NEK1: variants seen among roughly 807,000 people sequenced by gnomAD.
NEK1 encodes serine/threonine-protein kinase Nek1.
In NEK1, 137 loss-of-function variants were observed where a neutral mutation model predicts 182.1. The observed-to-expected ratio is 0.75, with a 90% CI of 0.65 to 0.87. The LOEUF (loss-of-function observed/expected upper bound fraction) is 0.87. Ranked by LOEUF, NEK1 falls within the 40% of genes least tolerant of loss-of-function variation. NEK1 has a pLI of 0.00. For synonymous variants in NEK1, 513 were observed against 492.2 expected, an observed-to-expected ratio of 1.04 and a Z score of -0.56; for missense variants, 1,391 against 1,494.4, an observed-to-expected ratio of 0.93 and a Z score of 1.14.
intron 16 of NEK1, among the ~76,000 whole-genome samples, chr4:169,556,371 G>A (rs1762165542): frequency 1.3e-5 from 2 of 152,170 alleles, no homozygotes; most frequent in South Asian, 2.1e-4. Flanking sequence ...GGAAAAATTT[G>A]ATCTTAATTA....
chr4:169,415,720 C>G (rs1734433451), intron 31 of NEK1, among the ~76,000 whole-genome samples: 1 of 152,180 alleles, frequency 6.6e-6, no homozygotes, highest in Non-Finnish European at 1.5e-5. Context: ...GCAATCAAAG[C>G]ATTACTCTGA....
chr4:169,474,972 G>T (rs1746678209), intron 26 of NEK1, among the ~76,000 whole-genome samples: 1 of 152,140 alleles, frequency 6.6e-6, no homozygotes. Context: ...CAAAATATGA[G>T]ACAGCAGTTT....
At chr4:169,561,128 C>A (rs1424381470) in intron 16 of NEK1, among the ~76,000 whole-genome samples, 1 of 152,150 alleles carries the variant, frequency 6.6e-6, no homozygotes, top group East Asian at 1.9e-4. Flanking sequence ...GATTAAGAAG[C>A]ATCTTCTGAG....
At chr4:169,571,719 G>A (rs1309113101) in intron 12 of NEK1, among the ~76,000 whole-genome samples, 1 of 151,928 alleles carries the variant, frequency 6.6e-6, no homozygotes, top group Non-Finnish European at 1.5e-5. Context: ...GTAGACAGTT[G>A]TAAAGACTCT....
At chr4:169,556,868 TA>T (rs1182853073) in intron 16 of NEK1, among the ~76,000 whole-genome samples, 2 of 151,716 alleles carry the variant, frequency 1.3e-5, no homozygotes, top group Non-Finnish European at 2.9e-5. Context: ...AAAGTAAAAA[TA>T]ATCAATGTAT....
At chr4:169,563,194 T>C (rs1276204417) in intron 12 of NEK1, among the ~76,000 whole-genome samples, 1 of 151,860 alleles carries the variant, frequency 6.6e-6, no homozygotes, top group Non-Finnish European at 1.5e-5. Context: ...TCCCCATCTC[T>C]ACAAAAAATT....
chr4:169,491,162 A>AAAAAAAAAGAG (rs1554047307), intron 23 of NEK1, among the ~76,000 whole-genome samples: 2 of 122,922 alleles, frequency 1.6e-5, no homozygotes, highest in African/African-American at 3.2e-5. Context: ...AAAAAAAAAA[A>AAAAAAAAAGAG]AGAGAGATGG....
At chr4:169,502,752 T>C (rs889895090) in intron 23 of NEK1, among the ~76,000 whole-genome samples, 6 of 152,094 alleles carry the variant, frequency 3.9e-5, no homozygotes, top group Non-Finnish European at 8.8e-5. Context: ...GAACCACCTA[T>C]GACAAACCCA....
chr4:169,478,785 C>G (rs902807021), intron 24 of NEK1, among the ~76,000 whole-genome samples: 1 of 152,152 alleles, frequency 6.6e-6, no homozygotes, highest in African/African-American at 2.4e-5. Context: ...CAGCTCCACA[C>G]TATGAGCCCA....
chr4:169,465,614 A>C (rs551964551), intron 26 of NEK1, among the ~76,000 whole-genome samples: 1 of 152,266 alleles, frequency 6.6e-6, no homozygotes, highest in East Asian at 1.9e-4. Flanking sequence ...AGAGGTAACA[A>C]TACTTCGAGT....
intron 19 of NEK1, among the ~76,000 whole-genome samples, chr4:169,526,821 G>A (rs1337842381): frequency 1.3e-5 from 2 of 152,148 alleles, no homozygotes; most frequent in Non-Finnish European, 2.9e-5. Context: ...AAACCTGTGG[G>A]AGAAAAACAA....
In NEK1 at chr4:169,438,151, T is replaced by C; in HGVS notation, c.2696A>G (p.Glu899Gly). The change falls in exon 28 of 36, where the codon GAG (glutamate) becomes GGG (glycine). Residue 899 changes from glutamate (E) to glycine (G), a missense_variant. Glu to Gly is a moderately conservative substitution (Grantham distance 98, BLOSUM62 -2). Coordinates refer to ENST00000507142, the MANE Select transcript of NEK1 (RefSeq NM_001199397.3). Reference sequence around the variant, plus strand: ...CTCACTGAACTCGGGACTTTTTGTCTCAACAGGAGAATCAACAATAGCTGA... The same window carrying C: ...CTCACTGAACTCGGGACTTTTTGTCCCAACAGGAGAATCAACAATAGCTGA... ...NPSAIVDSPV[E>G]TKSPEFSEAS... 6.2e-7 allele frequency: 1 copy of C among 1,610,976 alleles called. No individual in the cohort carries two copies. The highest frequency in any genetic ancestry group is 8.5e-7 in the Non-Finnish European group (1 of 1,178,448).
In NEK1 at chr4:169,573,794, A is replaced by G. The variant is rs569058832; in HGVS notation, c.1020+3134T>C. 2.6e-5 allele frequency among the ~76,000 whole-genome samples: 4 copies of G among 152,340 alleles called. No individual in the cohort carries two copies. In the East Asian group the frequency reaches 5.8e-4, roughly 22 times the overall value. On this transcript the variant is annotated intron_variant, in intron 12 of 35. Coordinates refer to ENST00000507142, the MANE Select transcript of NEK1 (RefSeq NM_001199397.3). Reference sequence around the variant, plus strand: ...AAAGAGTTGTTATTATTGATAATAAAAATTTTAATGGCATGGCCATAGGTG... The same window carrying G: ...AAAGAGTTGTTATTATTGATAATAAGAATTTTAATGGCATGGCCATAGGTG...
intron 23 of NEK1, among the ~76,000 whole-genome samples, chr4:169,499,696 C>CGGAGGCTGCAGAACAGT (rs1488451241): frequency 6.6e-6 from 1 of 152,162 alleles, no homozygotes; most frequent in East Asian, 1.9e-4. Context: ...GTATCAGCAG[C>CGGAGGCTGCAGAACAGT]GGAGGCTGCA....
At chr4:169,506,318 C>T (rs968876653) in intron 23 of NEK1, among the ~76,000 whole-genome samples, 1 of 151,976 alleles carries the variant, frequency 6.6e-6, no homozygotes, top group African/African-American at 2.4e-5. Flanking sequence ...TACATACTTG[C>T]TATAGATTCA....
At chr4:169,537,212 T>C (rs1463629389) in intron 19 of NEK1, among the ~76,000 whole-genome samples, 1 of 152,168 alleles carries the variant, frequency 6.6e-6, no homozygotes, top group Non-Finnish European at 1.5e-5. Flanking sequence ...GAGTTTTAAC[T>C]ACCTCAAATC....
In NEK1 at chr4:169,588,664, G is replaced by A; in HGVS notation, c.536C>T (p.Pro179Leu). 1.3e-6 allele frequency: 2 copies of A among 1,543,532 alleles called. No homozygotes were observed. Among genetic ancestry groups the A allele is most frequent in the Non-Finnish European group, 1.8e-6 (2 of 1,139,936 alleles). ...YLSPEICENK[P>L]YNNKSDIWAL... ...TTTTAAATACCTTTTATTATTGTAAGGTTTGTTTTCACAGATTTCAGGTGA... is the reference window on the plus strand; with the variant it reads ...TTTTAAATACCTTTTATTATTGTAAAGTTTGTTTTCACAGATTTCAGGTGA... The change falls in exon 8 of 36, where the codon CCT (proline) becomes CTT (leucine). Residue 179 changes from proline to leucine, a missense_variant. Pro to Leu is a moderately conservative substitution (Grantham distance 98). Around this residue, in one of 5 missense-constraint regions of NEK1, gnomAD observed 14 missense variants for 34.5 expected, o/e 0.41. Transcript: ENST00000507142.
chr4:169,423,769 G>A (rs4283620), intron 31 of NEK1, among the ~76,000 whole-genome samples: 26,251 of 151,940 alleles, frequency 0.17, 2,871 homozygotes, highest in South Asian at 0.31. Context: ...AAATTACAGC[G>A]GAAAGGCATG....
intron 26 of NEK1, among the ~76,000 whole-genome samples, chr4:169,470,239 T>C (rs1455207734): frequency 6.6e-6 from 1 of 152,210 alleles, no homozygotes; most frequent in African/African-American, 2.4e-5. Context: ...TCTTTACATT[T>C]TGGTATGCTT....
Sources: gnomAD v4.1 joint callset for allele counts (sites outside exome capture counted in the v4.1 genomes callset) on GRCh38, gnomAD v4.1.1 for gene constraint, gnomAD v4.1.1 regional missense constraint, MANE v1.5 for transcripts, NCBI Gene and HGNC (gene_info 2026-07-23, HGNC 2026-07-21) for gene names.